The following ARHGEF16 variants were observed in gnomAD, a reference collection of about 807,000 sequenced individuals.
ARHGEF16 encodes the protein Rho guanine nucleotide exchange factor 16.
A neutral mutation model predicts 74.1 loss-of-function variants in ARHGEF16; 59 were observed. The observed-to-expected ratio is 0.80, with a 90% confidence interval of 0.65 to 0.99. The LOEUF is 0.99. Ranked by LOEUF, ARHGEF16 falls within the 50% of genes least tolerant of loss-of-function variation. The pLI, the probability that ARHGEF16 is intolerant of heterozygous loss-of-function variation, is 0.00. For synonymous variants in ARHGEF16, 415 were observed against 412.6 expected, an observed-to-expected ratio of 1.01 and a Z score of -0.07; for missense variants, 948 against 986.6, an observed-to-expected ratio of 0.96 and a Z score of 0.52.
At chr1:3,470,614 G>C (rs968624376) in intron 6 of ARHGEF16, among the ~76,000 whole-genome samples, 2 of 150,350 alleles carry the variant, frequency 1.3e-5, no homozygotes, top group Non-Finnish European at 3.0e-5. Context: ...TGTGTGAGTG[G>C]GTGTGTGTGC....
At chr1:3,472,847 T>C in intron 6 of ARHGEF16, 1 of 548,758 alleles carries the variant, frequency 1.8e-6, no homozygotes, top group East Asian at 3.2e-5. Context: ...CAGGGGGCTC[T>C]GTAAGGAGCC....
chr1:3,463,849 C>T (rs987032649), intron 2 of ARHGEF16, among the ~76,000 whole-genome samples, 177 bp downstream of exon 2: 6 of 152,238 alleles, frequency 3.9e-5, no homozygotes, highest in African/African-American at 1.4e-4. Context: ...GTGAAGATCC[C>T]ACCTTACAGA....
rs189203490 is a variant in ARHGEF16, at chr1:3,471,129, C to T, written c.1022+1536C>T. On this transcript the variant is annotated intron_variant, in intron 6 of 14. Coordinates refer to ENST00000378378, the MANE Select transcript of ARHGEF16 (RefSeq NM_014448.4). The stretch of plus-strand genomic sequence containing the variant: ...GTGTGCCTGGGCAGGGGTGTGTGTG[C>T]GTGGGTGTGTGTGCCTGGGCAGGGG... Among the ~76,000 whole-genome samples, 92 of 149,854 alleles carry T rather than the reference C, an allele frequency of 6.1e-4. 1 individual carries two copies. Among genetic ancestry groups the T allele is most frequent in the African/African-American group, 2.2e-3 (89 of 40,620 alleles).
chr1:3,456,413 C>T (rs1177929736), intron 1 of ARHGEF16, among the ~76,000 whole-genome samples: 1 of 152,188 alleles, frequency 6.6e-6, no homozygotes, highest in Non-Finnish European at 1.5e-5. Context: ...CTGGGCTGCT[C>T]CTGTCCTTAG....
At chr1:3,467,579 C>T (rs549318518) in intron 4 of ARHGEF16, among the ~76,000 whole-genome samples, 3 of 152,324 alleles carry the variant, frequency 2.0e-5, no homozygotes, top group South Asian at 4.1e-4. Context: ...GAGGGCCAGC[C>T]CTGCTCAGAC....
intron 12 of ARHGEF16, among the ~76,000 whole-genome samples, 154 bp downstream of exon 12, chr1:3,478,766 A>G (rs942858862): frequency 6.6e-6 from 1 of 152,166 alleles, no homozygotes; most frequent in African/African-American, 2.4e-5. Flanking sequence ...TAGAGCCAGA[A>G]ACAACAGAAA....
intron 2 of ARHGEF16, 103 bp from the exon 3 acceptor site, chr1:3,466,045 C>T (rs1313910093): frequency 1.6e-5 from 21 of 1,291,242 alleles, no homozygotes; most frequent in South Asian, 5.3e-5. Context: ...GGCACAGCTT[C>T]GCATGTGGAG....
Position 3,466,216 on chromosome 1 carries a change from C to A in ARHGEF16, c.634+23C>A. On this transcript the variant is annotated intron_variant, in intron 3 of 14. Coordinates refer to ENST00000378378, the MANE Select transcript of ARHGEF16 (RefSeq NM_014448.4). Reference sequence around the variant, plus strand: ...ACGGTGAGTGTGGCTTCGGGAGGCACCGCGGGCTGGGCTCCAGTTGAAACT... The same window carrying A: ...ACGGTGAGTGTGGCTTCGGGAGGCAACGCGGGCTGGGCTCCAGTTGAAACT... 3 of 1,533,208 alleles carry A rather than the reference C, an allele frequency of 2.0e-6. No homozygotes were observed. The South Asian group carries it at 3.7e-5, about 19-fold the overall frequency. 95.0% of individuals were successfully genotyped at this position (1,533,208 alleles called of 1,614,324 possible). A position where few individuals can be genotyped will look rare whatever the true frequency, so the allele number is the denominator to read the frequency against.
chr1:3,465,093 A>G (rs780398396), intron 2 of ARHGEF16, among the ~76,000 whole-genome samples: 4 of 152,364 alleles, frequency 2.6e-5, no homozygotes, highest in African/African-American at 7.2e-5. Context: ...GAAGGGCCCC[A>G]GCACTCTCTA....
intron 10 of ARHGEF16, 95 bp from the exon 11 acceptor site, chr1:3,477,780 C>T (rs988033452): frequency 1.4e-5 from 16 of 1,178,230 alleles, no homozygotes; most frequent in Admixed American, 1.8e-5. Context: ...CCACCTGGTG[C>T]TATGCGTCCT....
intron 1 of ARHGEF16, among the ~76,000 whole-genome samples, chr1:3,456,843 G>A (rs1380273495): frequency 1.3e-5 from 2 of 152,204 alleles, no homozygotes; most frequent in Admixed American, 6.5e-5. Flanking sequence ...TTCAGAGCCG[G>A]AGCTGGGGAG....
chr1:3,476,426 C>A (rs369558947), intron 10 of ARHGEF16, among the ~76,000 whole-genome samples: 1 of 152,134 alleles, frequency 6.6e-6, no homozygotes, highest in African/African-American at 2.4e-5. Context: ...TCCTTGCTGG[C>A]CCCTCAGGGG....
chr1:3,478,652 C>T (rs767961166), intron 12 of ARHGEF16, 40 bp downstream of exon 12: 14 of 1,564,780 alleles, frequency 8.9e-6, no homozygotes, highest in South Asian at 1.2e-5. Context: ...AGGCCACAGG[C>T]ACATTAGCTC....
In ARHGEF16 at chr1:3,480,691, G is replaced by A; in HGVS notation, c.*104G>A. 3 of 1,426,334 alleles carry A rather than the reference G, an allele frequency of 2.1e-6. No homozygotes were observed. The Admixed American group carries it at 6.6e-5, about 32-fold the overall frequency. 88.4% of individuals were successfully genotyped at this position (1,426,334 alleles called of 1,614,324 possible). On this transcript the variant is annotated 3_prime_UTR_variant, in exon 15 of 15. Transcript: ENST00000378378. ...GAGCTGGTCTCAAGGACCCAGCATG[G>A]TTCCCTGGGGCTTCCCAAGAGCCTG...
intron 8 of ARHGEF16, chr1:3,474,477 T>G: frequency 5.9e-6 from 3 of 506,640 alleles, no homozygotes; most frequent in Non-Finnish European, 7.1e-6. Context: ...AAGGGAAGGG[T>G]TCCAGGCAGG....
chr1:3,454,744 A>G lies in ARHGEF16; in HGVS notation c.-87A>G, dbSNP rs948681264. On this transcript the variant is annotated 5_prime_UTR_variant, in exon 1 of 15. Coordinates refer to ENST00000378378, the MANE Select transcript of ARHGEF16 (RefSeq NM_014448.4). ...AGGAGCGAAGCGGCTGCAGGACAGG[A>G]CAGGACCCGGCGCTGGAAGCTGCAC... 6.6e-6 allele frequency: 1 copy of G among 152,248 alleles called. No homozygotes were observed. The highest frequency in any genetic ancestry group is 1.5e-5 in the Non-Finnish European group (1 of 68,144). 9.4% of individuals were successfully genotyped at this position (152,248 alleles called of 1,614,324 possible).
chr1:3,476,426 C>T (rs369558947), intron 10 of ARHGEF16, among the ~76,000 whole-genome samples: 8 of 152,254 alleles, frequency 5.3e-5, no homozygotes, highest in South Asian at 2.1e-4. Context: ...TCCTTGCTGG[C>T]CCCTCAGGGG....
intron 6 of ARHGEF16, chr1:3,471,696 C>G: frequency 8.1e-7 from 1 of 1,239,404 alleles, no homozygotes; most frequent in Non-Finnish European, 1.0e-6. Flanking sequence ...TAGATTGCTG[C>G]CCTGGGGCGG....
intron 11 of ARHGEF16, 166 bp downstream of exon 11, chr1:3,478,192 C>A: frequency 9.4e-7 from 1 of 1,058,290 alleles, no homozygotes; most frequent in Non-Finnish European, 1.4e-6. Flanking sequence ...GGGCAGGTGG[C>A]GCTCGCTGTG....
Sources: gnomAD v4.1 joint callset for allele counts (sites outside exome capture counted in the v4.1 genomes callset) on GRCh38, gnomAD v4.1.1 for gene constraint, MANE v1.5 for transcripts, NCBI Gene and HGNC (gene_info 2026-07-23, HGNC 2026-07-21) for gene names.